OSBPL9: variants seen among roughly 807,000 people sequenced by gnomAD.
The protein encoded by OSBPL9 is oxysterol-binding protein-related protein 9.
Under a neutral mutation model 106.6 loss-of-function variants are expected in OSBPL9, and 40 were observed. The observed-to-expected ratio is 0.38, with a 90% confidence interval of 0.29 to 0.49. The LOEUF (loss-of-function observed/expected upper bound fraction) is 0.49, where lower values mean the gene tolerates loss of function less well. Among genes scored for constraint, OSBPL9 ranks in the 20% least tolerant of loss-of-function variants. The pLI, the probability that OSBPL9 is intolerant of heterozygous loss-of-function variation, is 0.97. For missense variants in OSBPL9, 609 were observed against 887.2 expected (o/e 0.69, Z 3.98); for synonymous variants, 269 against 295.4 (o/e 0.91, Z 0.92).
intron 15 of OSBPL9, among the ~76,000 whole-genome samples, chr1:51,780,220 G>C (rs1475035114): frequency 6.8e-6 from 1 of 147,976 alleles, no homozygotes; most frequent in Non-Finnish European, 1.5e-5. Context: ...AAAAAAAATA[G>C]ATGTTGATGT....
intron 1 of OSBPL9, among the ~76,000 whole-genome samples, chr1:51,584,763 T>A (rs1645238203): frequency 6.6e-6 from 1 of 152,052 alleles, no homozygotes; most frequent in Non-Finnish European, 1.5e-5. Flanking sequence ...AATAAAGCCC[T>A]TGCACATCCT....
At chr1:51,564,465 G>C in the OSBPL9 span, among the ~76,000 whole-genome samples, 1 of 151,992 alleles carries the variant, frequency 6.6e-6, no homozygotes, top group Non-Finnish European at 1.5e-5. Context: ...GTCCTTCCTT[G>C]TACCCCAGGA....
intron 4 of OSBPL9, among the ~76,000 whole-genome samples, chr1:51,743,079 G>T (rs983332986): frequency 6.6e-6 from 1 of 152,140 alleles, no homozygotes; most frequent in Non-Finnish European, 1.5e-5. Flanking sequence ...TGTTATCGAT[G>T]AATTTTACAT....
chr1:51,518,993 G>T, the OSBPL9 span, among the ~76,000 whole-genome samples: 5 of 151,328 alleles, frequency 3.3e-5, no homozygotes, highest in African/African-American at 9.7e-5. Flanking sequence ...GACCCTGGGC[G>T]AGGTCGCGGC....
chr1:51,767,936 C>CTTTTT lies in OSBPL9; in HGVS notation c.938+1978_938+1982dup, dbSNP rs869092922. ...TATTTAAAAGAGAATTAAAGACCGT[C>CTTTTT]TTTTTTTTTTTTTTTTTTTTTTTTT... On this transcript the variant is annotated intron_variant, in intron 12 of 23. Coordinates refer to ENST00000428468, the MANE Select transcript of OSBPL9 (RefSeq NM_024586.6). Among the ~76,000 whole-genome samples, 44 of 65,052 alleles carry CTTTTT rather than the reference C, an allele frequency of 6.8e-4. 7 individuals carry two copies. The highest frequency in any genetic ancestry group is 1.5e-3 in the African/African-American group (25 of 16,728). 42.7% of individuals were successfully genotyped at this position (65,052 alleles called of 152,430 possible).
At chr1:51,556,345 G>A in the OSBPL9 span, among the ~76,000 whole-genome samples, 1 of 152,088 alleles carries the variant, frequency 6.6e-6, no homozygotes, top group Non-Finnish European at 1.5e-5. Flanking sequence ...TTTCATGGGA[G>A]TATTTGTATA....
chr1:51,604,658 CTTTG>C (rs912735887), intron 2 of OSBPL9, among the ~76,000 whole-genome samples: 7 of 152,036 alleles, frequency 4.6e-5, no homozygotes, highest in Admixed American at 6.5e-5. Context: ...TTCATGGTTT[CTTTG>C]TTTGTTTTTG....
At chr1:51,714,137 C>G (rs1660610237) in intron 4 of OSBPL9, 58 bp downstream of exon 4, 4 of 1,270,618 alleles carry the variant, frequency 3.1e-6, no homozygotes, top group Non-Finnish European at 4.3e-6. Flanking sequence ...CTTTTTTTGT[C>G]TGTTTTCTGT....
At chr1:51,552,216 G>A in the OSBPL9 span, among the ~76,000 whole-genome samples, 1 of 152,076 alleles carries the variant, frequency 6.6e-6, no homozygotes, top group East Asian at 1.9e-4. Context: ...CAAACTGAAA[G>A]TAAGCCCCAT....
intron 3 of OSBPL9, among the ~76,000 whole-genome samples, chr1:51,705,420 T>A (rs1321277842): frequency 1.7e-5 from 2 of 115,776 alleles, no homozygotes; most frequent in African/African-American, 7.0e-5. Context: ...TTTTTTTTTT[T>A]TTTTTTTTTT....
chr1:51,622,183 T>TG (rs1408563428), intron 1 of OSBPL9, among the ~76,000 whole-genome samples: 1 of 152,178 alleles, frequency 6.6e-6, no homozygotes, highest in East Asian at 1.9e-4. Context: ...AAGAACAGGT[T>TG]GGGGGAGAGA....
upstream of OSBPL9, chr1:51,617,070 G>T (rs1469654892): frequency 2.6e-6 from 4 of 1,564,484 alleles, no homozygotes; most frequent in Admixed American, 1.9e-5. Flanking sequence ...CCATATAGGC[G>T]AGTGACGTCA....
At chr1:51,730,021 C>T (rs767006305) in intron 4 of OSBPL9, 3 of 1,308,730 alleles carry the variant, frequency 2.3e-6, no homozygotes, top group Non-Finnish European at 2.9e-6. Context: ...CCCCGAGGGT[C>T]TGGGAGAGGG....
At chr1:51,567,944 A>T in the OSBPL9 span, 1 of 152,246 alleles carries the variant, frequency 6.6e-6, no homozygotes, top group African/African-American at 2.4e-5. Flanking sequence ...TATTAATCAG[A>T]GTCCCAGCAG....
At chr1:51,607,971 CTCTCCTCTCTT>C in intron 2 of OSBPL9, among the ~76,000 whole-genome samples, 1 of 152,318 alleles carries the variant, frequency 6.6e-6, no homozygotes, top group South Asian at 2.1e-4. Flanking sequence ...GGACTTGCAT[CTCTCCTCTCTT>C]GATTTTCCTT....
chr1:51,728,866 G>C (rs1663636866), intron 4 of OSBPL9, among the ~76,000 whole-genome samples: 1 of 152,128 alleles, frequency 6.6e-6, no homozygotes, highest in East Asian at 1.9e-4. Flanking sequence ...GCTAGGTCTT[G>C]CAGTGGGTAC....
Position 51,747,187 on chromosome 1 carries a change from G to C in OSBPL9, c.462+430G>C, listed in dbSNP as rs141357130. Among the ~76,000 whole-genome samples the C allele has an allele frequency of 6.4e-3, 970 of 152,258 alleles. 7 individuals are homozygous for C. Among genetic ancestry groups the C allele is most frequent in the Non-Finnish European group, 0.011 (758 of 68,006 alleles). On this transcript the variant is annotated intron_variant, in intron 6 of 23. Transcript: ENST00000428468. ...TCACCATGTTGGCCAGGCTGGTTTC[G>C]AACTCCTGACCTCAGGTGATCCACC...
intron 2 of OSBPL9, among the ~76,000 whole-genome samples, chr1:51,667,221 C>G (rs1280571005): frequency 6.6e-6 from 1 of 152,174 alleles, no homozygotes; most frequent in Non-Finnish European, 1.5e-5. Context: ...AGATATAATA[C>G]ATATACTATG....
At chr1:51,767,843 T>A (rs757528075) in intron 12 of OSBPL9, among the ~76,000 whole-genome samples, 1 of 150,474 alleles carries the variant, frequency 6.6e-6, no homozygotes, top group East Asian at 2.0e-4. Flanking sequence ...TAAAAGAAAA[T>A]AAGCATTTGG....
Sources: gnomAD v4.1 joint callset for allele counts (sites outside exome capture counted in the v4.1 genomes callset) on GRCh38, gnomAD v4.1.1 for gene constraint, MANE v1.5 for transcripts, NCBI Gene and HGNC (gene_info 2026-07-23, HGNC 2026-07-21) for gene names.